The following ERBB4 variants were observed in gnomAD, a reference collection of about 807,000 sequenced individuals.
The protein encoded by ERBB4 is erb-b2 receptor tyrosine kinase 4.
In ERBB4, 42 loss-of-function variants were observed where a neutral mutation model predicts 158.0. The observed-to-expected ratio is 0.27, with a 90% confidence interval of 0.21 to 0.34. The LOEUF (loss-of-function observed/expected upper bound fraction) is 0.34. ERBB4 is among the 10% of genes least tolerant of loss of function. ERBB4 has a pLI of 1.00. For missense variants in ERBB4, 1,333 were observed against 1,624.1 expected, an observed-to-expected ratio of 0.82 and a Z score of 3.08; for synonymous variants, 583 against 558.7, an observed-to-expected ratio of 1.04 and a Z score of -0.61.
chr2:212,503,966 T>C (rs1174448737), intron 1 of ERBB4, among the ~76,000 whole-genome samples: 1 of 152,170 alleles, frequency 6.6e-6, no homozygotes, highest in African/African-American at 2.4e-5. Flanking sequence ...AACAAAACTA[T>C]TTGTTAAGTA....
intron 20 of ERBB4, among the ~76,000 whole-genome samples, chr2:211,474,386 G>C (rs1384185283): frequency 6.6e-6 from 1 of 151,948 alleles, no homozygotes; most frequent in African/African-American, 2.4e-5. Context: ...AATTTTATTA[G>C]AATCACATTA....
At chr2:212,166,893 A>C (rs903062465) in intron 1 of ERBB4, among the ~76,000 whole-genome samples, 1 of 152,210 alleles carries the variant, frequency 6.6e-6, no homozygotes, top group Non-Finnish European at 1.5e-5. Context: ...AGCCATCTGC[A>C]GAAAACTGAA....
chr2:211,596,411 T>C (rs182645871), intron 19 of ERBB4, among the ~76,000 whole-genome samples: 1 of 152,318 alleles, frequency 6.6e-6, no homozygotes, highest in Non-Finnish European at 1.5e-5. Flanking sequence ...TTTAGCTACA[T>C]AGTAGTTATA....
chr2:211,506,643 A>T (rs2065758118), intron 20 of ERBB4, among the ~76,000 whole-genome samples: 1 of 152,088 alleles, frequency 6.6e-6, no homozygotes, highest in African/African-American at 2.4e-5. Context: ...TAAACAACTT[A>T]TTTCTGAATG....
intron 3 of ERBB4, among the ~76,000 whole-genome samples, chr2:211,865,986 C>T (rs572754530): frequency 7.2e-5 from 11 of 152,160 alleles, no homozygotes; most frequent in East Asian, 3.9e-4. Context: ...ATACTGTGAC[C>T]GATAAAAACT....
Position 212,538,542 on chromosome 2 carries a change from C to G in ERBB4, c.-12G>C. The G allele has an allele frequency of 6.2e-7, 1 of 1,613,032 alleles. No homozygotes were observed. Among genetic ancestry groups the G allele is most frequent in the South Asian group, 1.1e-5 (1 of 91,072 alleles). On this transcript the variant is annotated 5_prime_UTR_variant, in exon 1 of 28. Coordinates refer to ENST00000342788, the MANE Select transcript of ERBB4 (RefSeq NM_005235.3). Reference sequence around the variant, plus strand: ...GTCGCCGGCTTCATTTTTTGGAAGTCTCAGATCCCGTGCTGACAATTACAT... The same window carrying G: ...GTCGCCGGCTTCATTTTTTGGAAGTGTCAGATCCCGTGCTGACAATTACAT...
At chr2:211,943,227 A>T (rs2080555236) in intron 3 of ERBB4, among the ~76,000 whole-genome samples, 1 of 152,116 alleles carries the variant, frequency 6.6e-6, no homozygotes, top group Admixed American at 6.6e-5. Flanking sequence ...GGCCCATATA[A>T]TTCCTTTTAG....
intron 23 of ERBB4, 60 bp downstream of exon 23, chr2:211,424,095 A>G: frequency 6.8e-7 from 1 of 1,477,624 alleles, no homozygotes; most frequent in Admixed American, 1.7e-5. Flanking sequence ...CAGATTGAGT[A>G]ATCTCTGCTA....
At chr2:212,493,522 A>T (rs16848705) in intron 1 of ERBB4, among the ~76,000 whole-genome samples, 2 of 151,680 alleles carry the variant, frequency 1.3e-5, no homozygotes, top group Admixed American at 6.6e-5. Flanking sequence ...ATACTAAAAA[A>T]CTTGGCTCAG....
At chr2:212,222,060 C>A (rs1574464284) in intron 1 of ERBB4, among the ~76,000 whole-genome samples, 1 of 151,474 alleles carries the variant, frequency 6.6e-6, no homozygotes, top group South Asian at 2.1e-4. Flanking sequence ...ATAATAGTAG[C>A]TTTTTAGTTT....
At chr2:212,375,781 C>T (rs1455097441) in intron 1 of ERBB4, among the ~76,000 whole-genome samples, 1 of 151,920 alleles carries the variant, frequency 6.6e-6, no homozygotes, top group Non-Finnish European at 1.5e-5. Context: ...GAAAAGAGCC[C>T]CTATCAGAGC....
chr2:212,103,457 A>C (rs942653265), intron 2 of ERBB4, among the ~76,000 whole-genome samples: 21 of 152,080 alleles, frequency 1.4e-4, no homozygotes, highest in African/African-American at 4.6e-4. Context: ...TTAAAAATGC[A>C]ATTGATATAA....
chr2:211,455,675 A>T (rs2064363531), intron 20 of ERBB4, among the ~76,000 whole-genome samples: 1 of 152,124 alleles, frequency 6.6e-6, no homozygotes, highest in Non-Finnish European at 1.5e-5. Flanking sequence ...CTTACTTTTA[A>T]TTTTGCCTGT....
In ERBB4 at chr2:212,286,594, C is replaced by CTTTTTTT. The variant is rs71054190; in HGVS notation, c.83-161698_83-161692dup. On this transcript the variant is annotated intron_variant, in intron 1 of 27. Transcript: ENST00000342788. Reference sequence around the variant, plus strand: ...AATGAGATGATTACATAAGTGCTGACTTTTTTTTTTTTTTTTTTTTTTTTT... The same window carrying CTTTTTTT: ...AATGAGATGATTACATAAGTGCTGACTTTTTTTTTTTTTTTTTTTTTTTTTTTTTTTT... Among the ~76,000 whole-genome samples, 69 of 55,540 alleles carry CTTTTTTT rather than the reference C, an allele frequency of 1.2e-3. 1 individual carries two copies. The highest frequency in any genetic ancestry group is 3.9e-3 in the African/African-American group (67 of 17,246). The allele number at this position is 55,540 out of a possible 152,430, so 36.4% of individuals were successfully genotyped here. A position where few individuals can be genotyped will look rare whatever the true frequency, so the allele number is the denominator to read the frequency against.
chr2:211,478,488 T>C (rs772035854), intron 20 of ERBB4, among the ~76,000 whole-genome samples: 22 of 152,170 alleles, frequency 1.4e-4, no homozygotes, highest in Non-Finnish European at 2.9e-4. Flanking sequence ...CCTGTCTCTC[T>C]TCATTGTACA....
At chr2:211,748,002 G>A (rs900655358) in intron 5 of ERBB4, among the ~76,000 whole-genome samples, 3 of 151,510 alleles carry the variant, frequency 2.0e-5, no homozygotes, top group African/African-American at 4.8e-5. Flanking sequence ...TACTTATAAT[G>A]CATAATACAA....
At chr2:211,581,415 GAT>G (rs2068100758) in intron 19 of ERBB4, among the ~76,000 whole-genome samples, 1 of 152,048 alleles carries the variant, frequency 6.6e-6, no homozygotes, top group Non-Finnish European at 1.5e-5. Flanking sequence ...CCTACAGAAA[GAT>G]AATTATCACA....
intron 1 of ERBB4, among the ~76,000 whole-genome samples, chr2:212,436,839 A>G (rs2092147275): frequency 1.3e-5 from 2 of 152,078 alleles, no homozygotes; most frequent in Non-Finnish European, 1.5e-5. Context: ...ATGCTTCATC[A>G]TTAATTCCAG....
chr2:212,138,246 A>G (rs968193124), intron 1 of ERBB4, among the ~76,000 whole-genome samples: 3 of 152,182 alleles, frequency 2.0e-5, no homozygotes, highest in African/African-American at 7.2e-5. Context: ...TACGAAATAT[A>G]CATCGTTTTG....
Sources: gnomAD v4.1 joint callset for allele counts (sites outside exome capture counted in the v4.1 genomes callset) on GRCh38, gnomAD v4.1.1 for gene constraint, MANE v1.5 for transcripts, NCBI Gene and HGNC (gene_info 2026-07-23, HGNC 2026-07-21) for gene names.